LDLRAD4: variants seen among roughly 807,000 people sequenced by gnomAD.
LDLRAD4 encodes low density lipoprotein receptor class A domain containing 4, also known as low-density lipoprotein receptor class A domain-containing protein 4.
Under a neutral mutation model 17.0 loss-of-function variants are expected in LDLRAD4, and 5 were observed. That is an observed-to-expected ratio of 0.29 (90% confidence interval 0.15 to 0.62). The LOEUF (loss-of-function observed/expected upper bound fraction) is 0.62, where lower values mean the gene tolerates loss of function less well. LDLRAD4 is among the 20% of genes least tolerant of loss of function. The pLI, the probability that LDLRAD4 is intolerant of heterozygous loss-of-function variation, is 0.84. For synonymous variants in LDLRAD4, 168 were observed against 171.8 expected (o/e 0.98, Z 0.17); for missense variants, 340 against 424.7 (o/e 0.80, Z 1.75).
intron 1 of LDLRAD4, among the ~76,000 whole-genome samples, chr18:13,332,617 G>A (rs2081921427): frequency 6.6e-6 from 1 of 152,098 alleles, no homozygotes; most frequent in Admixed American, 6.5e-5. Context: ...CCATAGTTTT[G>A]CCTTTTCCAG....
chr18:13,246,425 T>A (rs2042959056), intron 1 of LDLRAD4, among the ~76,000 whole-genome samples: 1 of 152,242 alleles, frequency 6.6e-6, no homozygotes, highest in African/African-American at 2.4e-5. Context: ...CTTGTCTAAA[T>A]CACTCACAGA....
intron 3 of LDLRAD4, among the ~76,000 whole-genome samples, chr18:13,551,132 C>T (rs1337919560): frequency 2.0e-5 from 3 of 152,202 alleles, no homozygotes; most frequent in African/African-American, 7.2e-5. Flanking sequence ...CCTCAGGACC[C>T]ACTGTTTGAC....
chr18:13,525,920 C>T (rs750445563), intron 3 of LDLRAD4, among the ~76,000 whole-genome samples: 6 of 152,244 alleles, frequency 3.9e-5, no homozygotes, highest in South Asian at 2.1e-4. Context: ...GGATATCTTG[C>T]GCCCTCCTGT....
intron 1 of LDLRAD4, among the ~76,000 whole-genome samples, chr18:13,352,639 A>ATTTTCTCAAAGTTGAGG (rs1205276552): frequency 1.3e-5 from 2 of 152,114 alleles, no homozygotes; most frequent in African/African-American, 4.8e-5. Context: ...CAAAGTTGAG[A>ATTTTCTCAAAGTTGAGG]CATTTTCTGC....
chr18:13,323,083 A>G (rs1303656424), intron 1 of LDLRAD4, among the ~76,000 whole-genome samples: 2 of 152,242 alleles, frequency 1.3e-5, no homozygotes, highest in African/African-American at 4.8e-5. Context: ...AAGCTTGCTC[A>G]GGGAGAAGCA....
chr18:13,374,600 C>T (rs188330154), intron 1 of LDLRAD4, among the ~76,000 whole-genome samples: 2 of 152,226 alleles, frequency 1.3e-5, no homozygotes, highest in Non-Finnish European at 1.5e-5. Flanking sequence ...CCAGAACAGC[C>T]GTGCATCAGA....
At chr18:13,442,893 C>T (rs2091128316) in intron 3 of LDLRAD4, among the ~76,000 whole-genome samples, 2 of 152,154 alleles carry the variant, frequency 1.3e-5, no homozygotes, top group South Asian at 2.1e-4. Flanking sequence ...AGGTCAGCGT[C>T]GACAAGAAGC....
chr18:13,470,149 A>G (rs1453414308), intron 3 of LDLRAD4, among the ~76,000 whole-genome samples: 1 of 152,128 alleles, frequency 6.6e-6, no homozygotes, highest in African/African-American at 2.4e-5. Context: ...TGGAAATGGT[A>G]TTCAGTAAGC....
At chr18:13,619,675 A>C (rs1385348092) in intron 3 of LDLRAD4, among the ~76,000 whole-genome samples, 1 of 151,770 alleles carries the variant, frequency 6.6e-6, no homozygotes, top group African/African-American at 2.4e-5. Flanking sequence ...GAGCAACAGC[A>C]CCCCCTTGGC....
At chr18:13,509,195 T>C (rs574439958) in intron 3 of LDLRAD4, among the ~76,000 whole-genome samples, 1 of 152,180 alleles carries the variant, frequency 6.6e-6, no homozygotes, top group Non-Finnish European at 1.5e-5. Context: ...GCACCTATGG[T>C]GCCAGCTGCT....
exon 6 of LDLRAD4, chr18:13,647,384 T>C (rs1326080520): frequency 6.6e-6 from 1 of 152,142 alleles, no homozygotes; most frequent in African/African-American, 2.4e-5. Context: ...CACTCTGCCA[T>C]GTGGAGGGTG....
intron 3 of LDLRAD4, among the ~76,000 whole-genome samples, chr18:13,609,245 C>T (rs1404183771): frequency 6.6e-6 from 1 of 152,232 alleles, no homozygotes; most frequent in African/African-American, 2.4e-5. Flanking sequence ...CTAAAATTCC[C>T]AGTGATGGAC....
chr18:13,465,497 A>T (rs1216310000), intron 3 of LDLRAD4, among the ~76,000 whole-genome samples: 1 of 152,220 alleles, frequency 6.6e-6, no homozygotes, highest in Non-Finnish European at 1.5e-5. Flanking sequence ...TGGGCATACG[A>T]AAGGCTGCAT....
chr18:13,495,911 G>T (rs1337183795), intron 3 of LDLRAD4, among the ~76,000 whole-genome samples: 2 of 152,198 alleles, frequency 1.3e-5, no homozygotes, highest in Admixed American at 1.3e-4. Flanking sequence ...TCGGCCTCCA[G>T]CTGCCGGGCC....
intron 1 of LDLRAD4, among the ~76,000 whole-genome samples, chr18:13,380,474 C>T (rs2085270258): frequency 6.6e-6 from 1 of 152,218 alleles, no homozygotes; most frequent in Non-Finnish European, 1.5e-5. Context: ...TCCCCTCTCC[C>T]TGAGCCTCTG....
chr18:13,324,432 G>A (rs565985939), intron 1 of LDLRAD4, among the ~76,000 whole-genome samples: 9 of 152,214 alleles, frequency 5.9e-5, no homozygotes, highest in Admixed American at 3.3e-4. Flanking sequence ...ATGAGCCACC[G>A]CGCCTGGCCT....
At chr18:13,343,646 A>C (rs1408093671) in intron 1 of LDLRAD4, among the ~76,000 whole-genome samples, 1 of 152,168 alleles carries the variant, frequency 6.6e-6, no homozygotes, top group Non-Finnish European at 1.5e-5. Context: ...TAGATCCCTG[A>C]GGAATCGCCA....
intron 1 of LDLRAD4, among the ~76,000 whole-genome samples, chr18:13,293,861 T>C (rs1439763819): frequency 1.3e-5 from 2 of 152,216 alleles, no homozygotes; most frequent in African/African-American, 4.8e-5. Flanking sequence ...CCCCCCTTGC[T>C]TTAGGTTCCA....
At chr18:13,248,772 A>G (rs1231208635) in intron 1 of LDLRAD4, among the ~76,000 whole-genome samples, 2 of 152,190 alleles carry the variant, frequency 1.3e-5, no homozygotes, top group African/African-American at 2.4e-5. Context: ...AACATTCAGT[A>G]TCCTCCTAGC....
Sources: gnomAD v4.1 joint callset for allele counts (sites outside exome capture counted in the v4.1 genomes callset) on GRCh38, gnomAD v4.1.1 for gene constraint, MANE v1.5 for transcripts, NCBI Gene and HGNC (gene_info 2026-07-23, HGNC 2026-07-21) for gene names.